HMCN2: variants seen among roughly 807,000 people sequenced by gnomAD.
HMCN2 encodes hemicentin 2.
In HMCN2, 325 loss-of-function variants were observed where a neutral mutation model predicts 377.5. That is an observed-to-expected ratio of 0.86 (90% CI 0.79 to 0.94). HMCN2 has a LOEUF of 0.94. Among genes scored for constraint, HMCN2 ranks in the 40% least tolerant of loss-of-function variants. HMCN2 has a pLI of 0.00. For missense variants in HMCN2, 4,543 were observed against 4,725.3 expected, an observed-to-expected ratio of 0.96 and a Z score of 1.13; for synonymous variants, 2,007 against 2,046.8, an observed-to-expected ratio of 0.98 and a Z score of 0.53.
intron 7 of HMCN2, among the ~76,000 whole-genome samples, chr9:130,297,068 G>C (rs782128920): frequency 1.3e-5 from 2 of 152,190 alleles, no homozygotes; most frequent in African/African-American, 2.4e-5. Context: ...TGTCCTGGAG[G>C]ACACTTACAC....
chr9:130,390,971 C>T lies in HMCN2; in HGVS notation c.9524-6C>T, dbSNP rs1471116014. ...GGGGGATTCAGGGGACCCCTCTGTCCCACAGAGAGCAGCGCGGTGCACGGT... is the reference window on the plus strand; with the variant it reads ...GGGGGATTCAGGGGACCCCTCTGTCTCACAGAGAGCAGCGCGGTGCACGGT... On this transcript the variant is annotated splice_region_variant and splice_polypyrimidine_tract_variant and intron_variant, in intron 62 of 97. Coordinates refer to ENST00000683500, the MANE Select transcript of HMCN2 (RefSeq NM_001291815.2). 1.7e-5 allele frequency: 17 copies of T among 986,658 alleles called. No individual in the cohort carries two copies. The highest frequency in any genetic ancestry group is 2.0e-5 in the Non-Finnish European group (17 of 830,098). 61.1% of individuals were successfully genotyped at this position (986,658 alleles called of 1,614,324 possible). A position where few individuals can be genotyped will look rare whatever the true frequency, so the allele number is the denominator to read the frequency against.
chr9:130,431,469 G>T lies in HMCN2; in HGVS notation c.14750G>T (p.Ser4917Ile). The T allele has an allele frequency of 6.5e-7, 1 of 1,549,692 alleles. No homozygotes were observed. The highest frequency in any genetic ancestry group is 8.7e-7 in the Non-Finnish European group (1 of 1,146,820). The change falls in exon 96 of 98, where the codon AGC becomes ATC. Residue 4917 changes from serine (S) to isoleucine (I), a missense_variant. This residue lies in a region of HMCN2 where 1,155 missense variants were observed against 1,157.7 expected (regional missense o/e 1.00). Coordinates refer to ENST00000683500, the MANE Select transcript of HMCN2 (RefSeq NM_001291815.2). ...CCCGCCGGCTACCGTCTGCTCCCCA[G>T]CGGGAAGAACTGCCAGGGTGAGCCG... ...LCPAGYRLLP[S>I]GKNCQDINEC...
At chr9:130,419,255 A>G (rs1446911441) in intron 86 of HMCN2, 3 of 454,180 alleles carry the variant, frequency 6.6e-6, no homozygotes, top group Non-Finnish European at 1.1e-5. Context: ...CATCTTGGAC[A>G]GGGAACACAG....
intron 31 of HMCN2, among the ~76,000 whole-genome samples, chr9:130,354,503 A>C (rs1839913707): frequency 6.6e-6 from 1 of 152,146 alleles, no homozygotes. Flanking sequence ...CTTTCCACTC[A>C]TGCTGGGCTT....
In HMCN2 at chr9:130,360,358, TTACTTCTCTCTTCCATTCCCC is replaced by T; in HGVS notation, c.5774-69_5774-49del. The T allele has an allele frequency of 1.2e-6, 1 of 834,396 alleles. No individual in the cohort carries two copies. Among genetic ancestry groups the T allele is most frequent in the Non-Finnish European group, 1.5e-6 (1 of 646,280 alleles). 51.7% of individuals were successfully genotyped at this position (834,396 alleles called of 1,614,324 possible). A position where few individuals can be genotyped will look rare whatever the true frequency, so the allele number is the denominator to read the frequency against. On this transcript the variant is annotated intron_variant, in intron 37 of 97. Transcript: ENST00000683500. The surrounding 1 kb of genome is among the most constrained non-coding windows in gnomAD (Gnocchi z 4.7). Reference sequence around the variant, plus strand: ...CCTTGCATCTCTCTTCCTTTCCCCCTTACTTCTCTCTTCCATTCCCCCTTGCTTCTCTCTTCCTTTCCCCCT... The same window carrying T: ...CCTTGCATCTCTCTTCCTTTCCCCCTCTTGCTTCTCTCTTCCTTTCCCCCT...
At chr9:130,372,003 C>T (rs1304557345) in intron 46 of HMCN2, among the ~76,000 whole-genome samples, 1 of 152,186 alleles carries the variant, frequency 6.6e-6, no homozygotes, top group African/African-American at 2.4e-5. Flanking sequence ...CCATTACTCT[C>T]CCTTCAGCTC....
chr9:130,408,589 C>A (rs1011917845), intron 83 of HMCN2, among the ~76,000 whole-genome samples, 154 bp from the exon 84 acceptor site: 8 of 152,188 alleles, frequency 5.3e-5, no homozygotes, highest in Non-Finnish European at 1.2e-4. Flanking sequence ...TGTTTGCTGT[C>A]CCTGATGCAC....
chr9:130,366,280 A>G (rs1840683272), intron 43 of HMCN2, among the ~76,000 whole-genome samples: 1 of 152,152 alleles, frequency 6.6e-6, no homozygotes, highest in Non-Finnish European at 1.5e-5. Flanking sequence ...CCTGACTGCC[A>G]GGCTGGGACA....
chr9:130,339,361 C>T (rs971210101), intron 23 of HMCN2, among the ~76,000 whole-genome samples: 2 of 152,130 alleles, frequency 1.3e-5, no homozygotes, highest in East Asian at 1.9e-4. Context: ...TGACTCTTTA[C>T]GGAAAAAATG....
chr9:130,375,260 A>G (rs1184743867), intron 49 of HMCN2, among the ~76,000 whole-genome samples: 2 of 152,174 alleles, frequency 1.3e-5, no homozygotes, highest in Non-Finnish European at 2.9e-5. Flanking sequence ...CAGAATTGAG[A>G]AGCCTCTGGT....
chr9:130,398,746 C>A, intron 75 of HMCN2, 39 bp downstream of exon 75: 2 of 1,280,156 alleles, frequency 1.6e-6, no homozygotes, highest in South Asian at 1.2e-5. Flanking sequence ...CTGAGACGCA[C>A]AGGGCGGGGA....
chr9:130,405,284 C>G (rs761883441), intron 81 of HMCN2, among the ~76,000 whole-genome samples: 10 of 152,232 alleles, frequency 6.6e-5, no homozygotes, highest in Admixed American at 1.3e-4. Context: ...TAGCCAGCTC[C>G]TGGGGAAGGG....
intron 40 of HMCN2, 22 bp from the exon 41 acceptor site, chr9:130,364,692 C>G: frequency 3.0e-6 from 3 of 985,302 alleles, no homozygotes; most frequent in Non-Finnish European, 3.6e-6. Context: ...TGAGGGAGCC[C>G]TTCTCCTGCC....
intron 22 of HMCN2, among the ~76,000 whole-genome samples, chr9:130,333,313 CTGAG>C (rs2131444486): frequency 6.6e-6 from 1 of 152,232 alleles, no homozygotes; most frequent in African/African-American, 2.4e-5. Flanking sequence ...GAAGGCTTCC[CTGAG>C]TGCAGCAAAG....
chr9:130,282,478 G>A (rs998041399), intron 1 of HMCN2, among the ~76,000 whole-genome samples: 2 of 152,230 alleles, frequency 1.3e-5, no homozygotes, highest in African/African-American at 4.8e-5. Flanking sequence ...TGAGGACTGA[G>A]CTGCTGCAGT....
intron 90 of HMCN2, 66 bp from the exon 91 acceptor site, chr9:130,427,247 A>G: frequency 2.7e-6 from 4 of 1,501,706 alleles, no homozygotes; most frequent in Non-Finnish European, 3.6e-6. Flanking sequence ...AGCCTGGGCT[A>G]TGGCCAGGGC....
chr9:130,269,600 C>A (rs1385332429), intron 1 of HMCN2, among the ~76,000 whole-genome samples: 1 of 148,244 alleles, frequency 6.7e-6, no homozygotes, highest in Non-Finnish European at 1.5e-5. Context: ...TTTTCTAATT[C>A]AAAAATGGAA....
Position 130,432,502 on chromosome 9 carries a change from C to CCT in HMCN2, c.14842_14843insTC (p.Gln4948LeufsTer145), listed in dbSNP as rs1564891747. 1.3e-6 allele frequency: 2 copies of CCT among 1,550,600 alleles called. No homozygotes were observed. The highest frequency in any genetic ancestry group is 1.7e-6 in the Non-Finnish European group (2 of 1,147,016). ...TGTGCTTCAACACCCGTGGCAGCTACCAGTGTGTGGACACACCCTGTCCTG... is the reference window on the plus strand; with the variant it reads ...TGTGCTTCAACACCCGTGGCAGCTACCTCAGTGTGTGGACACACCCTGTCCTG... On this transcript the variant is annotated frameshift_variant, in exon 97 of 98. Transcript: ENST00000683500. LOFTEE classifies it high-confidence loss of function.
rs555687382 is a variant in HMCN2 at position 130,414,126 on chromosome 9, C to A, written c.12961+3474C>A. Among the ~76,000 whole-genome samples the A allele has an allele frequency of 1.6e-4, 25 of 152,308 alleles. No individual in the cohort carries two copies. The highest frequency in any genetic ancestry group is 6.8e-3 in the Middle Eastern group (2 of 294). ...GGGAGCCTCTAACTTCCACCCTCGC[C>A]CCTGTACCGAGGCACTGCTCTCCCC... On this transcript the variant is annotated intron_variant, in intron 85 of 97. Coordinates refer to ENST00000683500, the MANE Select transcript of HMCN2 (RefSeq NM_001291815.2). The surrounding 1 kb of genome is among the most constrained non-coding windows in gnomAD (Gnocchi z 4.4).
Sources: gnomAD v4.1 joint callset for allele counts (sites outside exome capture counted in the v4.1 genomes callset) on GRCh38, gnomAD v4.1.1 for gene constraint, gnomAD v4.1.1 regional missense constraint, Gnocchi (gnomAD v3.1) non-coding constraint, MANE v1.5 for transcripts, NCBI Gene and HGNC (gene_info 2026-07-23, HGNC 2026-07-21) for gene names.